KRT2: variants seen among roughly 807,000 people sequenced by gnomAD.
KRT2 encodes the protein keratin 2, also known as keratin, type II cytoskeletal 2 epidermal.
KRT2 carries 37 observed loss-of-function variants against 48.5 expected under a neutral mutation model. That is an observed-to-expected ratio of 0.76 (90% CI 0.59 to 1.00). The LOEUF (loss-of-function observed/expected upper bound fraction) is 1.00, where lower values mean the gene tolerates loss of function less well. Among genes scored for constraint, KRT2 ranks in the 50% least tolerant of loss-of-function variants. The pLI is 0.00. For synonymous variants in KRT2, 324 were observed against 312.2 expected (o/e 1.04, Z -0.40); for missense variants, 880 against 815.2 (o/e 1.08, Z -0.97).
At chr12:52,646,051 G>C (rs1232861944) in intron 7 of KRT2, among the ~76,000 whole-genome samples, 3 of 152,160 alleles carry the variant, frequency 2.0e-5, no homozygotes, top group Non-Finnish European at 4.4e-5. Flanking sequence ...CCTCTTACAA[G>C]CTGGGCATAG....
At chr12:52,645,616 C>A in intron 7 of KRT2, 47 bp from the exon 8 acceptor site, 1 of 1,594,276 alleles carries the variant, frequency 6.3e-7, no homozygotes, top group African/African-American at 1.3e-5. Context: ...CACTTAGGTT[C>A]TGTATGCATG....
chr12:52,649,604 T>A (rs1394328931), intron 3 of KRT2, among the ~76,000 whole-genome samples: 1 of 152,246 alleles, frequency 6.6e-6, no homozygotes, highest in African/African-American at 2.4e-5. Context: ...GTCCCATTCC[T>A]TCCTCAGCTC....
chr12:52,645,326 C>A lies in KRT2; in HGVS notation c.1613G>T (p.Ser538Ile). The change falls in exon 9 of 9, where the codon AGT (serine) becomes ATT (isoleucine). Residue 538 changes from serine (S) to isoleucine (I), a missense_variant. Ser to Ile is a moderately radical substitution (Grantham distance 142). Coordinates refer to ENST00000309680, the MANE Select transcript of KRT2 (RefSeq NM_000423.3). ...AGACTGTCGGCCTCCAGAGCCATAA[C>A]TGCTGCTTCCAGAGCTGTATCCTCC... ...SGGGYSSGSSSYGSGGRQSGS... is the reference protein window; with the variant it reads ...SGGGYSSGSSIYGSGGRQSGS... 6.2e-7 allele frequency: 1 copy of A among 1,614,228 alleles called. No homozygotes were observed. Among genetic ancestry groups the A allele is most frequent in the Admixed American group, 1.7e-5 (1 of 60,036 alleles).
rs763394926 is a variant in KRT2, at chr12:52,645,029, GAGA to G, written c.1907_1909del (p.Phe636del). 2 of 1,613,968 alleles carry G rather than the reference GAGA, an allele frequency of 1.2e-6. No homozygotes were observed. The highest frequency in any genetic ancestry group is 2.2e-5 in the East Asian group (1 of 44,872). On this transcript the variant is annotated inframe_deletion, in exon 9 of 9. Coordinates refer to ENST00000309680, the MANE Select transcript of KRT2 (RefSeq NM_000423.3). ...GGTGGGGGCTCATCTTTATCTAAAA[GAGA>G]AGGTCACGCTGGAACCAAAAGCTTC... is the stretch of plus-strand genomic sequence containing the variant.
At chr12:52,651,462 C>T in intron 1 of KRT2, 96 bp downstream of exon 1, 1 of 980,272 alleles carries the variant, frequency 1.0e-6, no homozygotes, top group South Asian at 1.3e-5. Context: ...ACACCACTGG[C>T]TCCTAAGAAA....
chr12:52,645,663 G>C (rs1941153492), intron 7 of KRT2, 94 bp from the exon 8 acceptor site: 1 of 1,300,160 alleles, frequency 7.7e-7, no homozygotes, highest in Non-Finnish European at 1.1e-6. Flanking sequence ...GTGCAGTTTA[G>C]CCTCTCTAAG....
In KRT2 at chr12:52,651,828, G is replaced by GCCGCCT; in HGVS notation, c.314_315insAGGCGG (p.Gly104_Gly105dup). 6.2e-7 allele frequency: 1 copy of GCCGCCT among 1,602,686 alleles called. No homozygotes were observed. Among genetic ancestry groups the GCCGCCT allele is most frequent in the Non-Finnish European group, 8.5e-7 (1 of 1,173,506 alleles). ...CGAAACCACCACCACTGAAGCCGCT[G>GCCGCCT]CCACCTCCAAAGCTGCTGCCGCCTC... On this transcript the variant is annotated inframe_insertion, in exon 1 of 9. Coordinates refer to ENST00000309680, the MANE Select transcript of KRT2 (RefSeq NM_000423.3).
At chr12:52,651,206 T>C (rs939984190) in intron 1 of KRT2, among the ~76,000 whole-genome samples, 4 of 152,238 alleles carry the variant, frequency 2.6e-5, no homozygotes, top group African/African-American at 9.6e-5. Flanking sequence ...AAGGAAACAC[T>C]ATCTCAGAAG....
In KRT2 at chr12:52,645,518, C is replaced by A. The variant is rs750496265; in HGVS notation, c.1504+17G>T. 1 of 1,614,150 alleles carries A rather than the reference C, an allele frequency of 6.2e-7. No homozygotes were observed. The highest frequency in any genetic ancestry group is 1.7e-5 in the Admixed American group (1 of 60,022). ...GACACAACACCCCATGGAACAGGAC[C>A]ACACCCCATTACTTACACACAGTCA... On this transcript the variant is annotated intron_variant, in intron 8 of 8. Coordinates refer to ENST00000309680, the MANE Select transcript of KRT2 (RefSeq NM_000423.3).
intron 1 of KRT2, 159 bp from the exon 2 acceptor site, chr12:52,650,712 T>G: frequency 1.4e-6 from 1 of 701,582 alleles, no homozygotes; most frequent in South Asian, 1.5e-5. Flanking sequence ...GCTCCCTGCT[T>G]TCGCCCCTGG....
At position 52,648,247 on chromosome 12, in the gene KRT2, C is replaced by G; in HGVS notation, c.1048G>C (p.Ala350Pro). Residue 350 changes from alanine to proline, a missense_variant, in exon 5 of 9, where the codon GCC becomes CCC. Transcript: ENST00000309680. ...TCCTCATACTGGGCCTTGACCTCGG[C>G]GATGATGCTATCCAAGTCCAGGTTG... The part of the protein sequence containing the change: ...SRNLDLDSII[A>P]EVKAQYEEIA... 1 of 1,614,088 alleles carries G rather than the reference C, an allele frequency of 6.2e-7. No homozygotes were observed. The highest frequency in any genetic ancestry group is 1.1e-5 in the South Asian group (1 of 91,072).
chr12:52,648,510 A>G (rs200003045), intron 4 of KRT2, among the ~76,000 whole-genome samples, 173 bp from the exon 5 acceptor site: 1 of 152,158 alleles, frequency 6.6e-6, no homozygotes, highest in East Asian at 1.9e-4. Flanking sequence ...TGTCCTGAGA[A>G]TTGTAGTGAG....
In KRT2 at chr12:52,646,890, T is replaced by C. The variant is rs911157934; in HGVS notation, c.1319A>G (p.Asn440Ser). ...GGCCTCCTCCAGGTCATTCAACTTG[T>C]TCCTGGCATCCTTGAGGGCATGCTC... ...RGEHALKDARNKLNDLEEALQ... is the reference protein window; with the variant it reads ...RGEHALKDARSKLNDLEEALQ... Residue 440 changes from asparagine (N) to serine (S), a missense_variant, in exon 7 of 9, where the codon AAC (asparagine) becomes AGC (serine). Transcript: ENST00000309680. 3 of 1,614,210 alleles carry C rather than the reference T, an allele frequency of 1.9e-6. No individual in the cohort carries two copies. The highest frequency in any genetic ancestry group is 2.5e-6 in the Non-Finnish European group (3 of 1,180,024).
chr12:52,652,010 G>C lies in KRT2; in HGVS notation c.133C>G (p.Arg45Gly), dbSNP rs202186833. Residue 45 changes from arginine (R) to glycine (G), a missense_variant, in exon 1 of 9, where the codon CGC (arginine) becomes GGC (glycine). Coordinates refer to ENST00000309680, the MANE Select transcript of KRT2 (RefSeq NM_000423.3). ...AAGCCCCCGCCACCACCACCATGGC[G>C]GCTCAAGCAGGAGAAGCTGGAAGTT... is the stretch of plus-strand genomic sequence containing the variant. Reference protein sequence around the residue: ...RSTSSFSCLSRHGGGGGGFGG... With the variant: ...RSTSSFSCLSGHGGGGGGFGG... 5.0e-6 allele frequency: 8 copies of C among 1,610,686 alleles called. No homozygotes were observed. In the East Asian group the frequency reaches 1.1e-4, roughly 22 times the overall value.
Position 52,644,994 on chromosome 12 carries a change from A to G in KRT2, c.*25T>C. 6.2e-7 allele frequency: 1 copy of G among 1,613,616 alleles called. No homozygotes were observed. Among genetic ancestry groups the G allele is most frequent in the Non-Finnish European group, 8.5e-7 (1 of 1,179,636 alleles). ...GGAGTGGGAGAGTCTGGGTTGGGAG[A>G]GTCGGTGGTGGTGGGGGCTCATCTT... On this transcript the variant is annotated 3_prime_UTR_variant, in exon 9 of 9. Transcript: ENST00000309680.
intron 7 of KRT2, 152 bp downstream of exon 7, chr12:52,646,588 G>A (rs1391394948): frequency 7.6e-6 from 6 of 791,940 alleles, no homozygotes; most frequent in Non-Finnish European, 1.3e-5. Context: ...TATGTCCTGA[G>A]TTTCTGCTTG....
At chr12:52,646,217 C>T (rs1941159477) in intron 7 of KRT2, among the ~76,000 whole-genome samples, 1 of 152,186 alleles carries the variant, frequency 6.6e-6, no homozygotes, top group African/African-American at 2.4e-5. Flanking sequence ...GGACAAAGGT[C>T]TCAGACTACA....
At position 52,650,549 on chromosome 12, in the gene KRT2, C is replaced by T. The variant is rs371721563; in HGVS notation, c.590G>A (p.Arg197Gln). The change falls in exon 2 of 9, where the codon CGG (arginine) becomes CAG (glutamine). Residue 197 changes from arginine (R) to glutamine (Q), a missense_variant. Coordinates refer to ENST00000309680, the MANE Select transcript of KRT2 (RefSeq NM_000423.3). ...NKFASFIDKVRFLEQQNQVLQ... is the reference protein window; with the variant it reads ...NKFASFIDKVQFLEQQNQVLQ... ...CACCTGGTTCTGCTGCTCCAAGAAC[C>T]GCACCTGCCATGACCAGAAGGAGAG... The T allele has an allele frequency of 9.9e-6, 16 of 1,611,824 alleles. No homozygotes were observed. In the East Asian group the frequency reaches 1.3e-4, roughly 13 times the overall value.
intron 1 of KRT2, 70 bp from the exon 2 acceptor site, chr12:52,650,623 G>T: frequency 1.5e-6 from 2 of 1,323,840 alleles, no homozygotes; most frequent in South Asian, 1.2e-5. Flanking sequence ...ACGCTGGCCA[G>T]GGGCAGCTCA....
Sources: gnomAD v4.1 joint callset for allele counts (sites outside exome capture counted in the v4.1 genomes callset) on GRCh38, gnomAD v4.1.1 for gene constraint, MANE v1.5 for transcripts, NCBI Gene and HGNC (gene_info 2026-07-23, HGNC 2026-07-21) for gene names.